The following TEAD1 variants were observed in gnomAD, a reference collection of about 807,000 sequenced individuals.
TEAD1 encodes TEA domain transcription factor 1, also known as transcriptional enhancer factor TEF-1.
Under a neutral mutation model 54.9 loss-of-function variants are expected in TEAD1, and 9 were observed. That is an observed-to-expected ratio of 0.16 (90% CI 0.10 to 0.29). The LOEUF is 0.29. TEAD1 is among the 10% of genes least tolerant of loss of function. The pLI is 1.00. For missense variants in TEAD1, 387 were observed against 535.9 expected, an observed-to-expected ratio of 0.72 and a Z score of 2.74; for synonymous variants, 200 against 187.8, an observed-to-expected ratio of 1.07 and a Z score of -0.53.
chr11:12,681,797 T>G (rs1943228474), intron 2 of TEAD1, among the ~76,000 whole-genome samples: 1 of 152,262 alleles, frequency 6.6e-6, no homozygotes, highest in Admixed American at 6.5e-5. Flanking sequence ...CACTCACCTT[T>G]CCAGGCCCTG....
At chr11:12,737,457 A>G (rs1206810586) in intron 2 of TEAD1, among the ~76,000 whole-genome samples, 1 of 152,222 alleles carries the variant, frequency 6.6e-6, no homozygotes, top group East Asian at 1.9e-4. Flanking sequence ...GAATTCCCAG[A>G]CAGCTCACAA....
intron 3 of TEAD1, among the ~76,000 whole-genome samples, chr11:12,784,893 C>T (rs898769437): frequency 6.6e-5 from 10 of 152,182 alleles, no homozygotes; most frequent in African/African-American, 9.7e-5. Context: ...TAGCTCCTAT[C>T]GCTTGAGAAG....
intron 3 of TEAD1, among the ~76,000 whole-genome samples, chr11:12,857,578 CTGTGTGTG>C (rs10694132): frequency 1.8e-4 from 26 of 145,846 alleles, no homozygotes; most frequent in East Asian, 6.1e-4. Context: ...CTCTCTGTCT[CTGTGTGTG>C]TGTGTGTGTG....
chr11:12,857,010 A>G (rs923627526), intron 3 of TEAD1, among the ~76,000 whole-genome samples: 1 of 152,162 alleles, frequency 6.6e-6, no homozygotes, highest in Non-Finnish European at 1.5e-5. Context: ...AGGCCACATC[A>G]CATTATATAT....
intron 3 of TEAD1, 99 bp downstream of exon 3, chr11:12,764,533 G>A: frequency 7.2e-7 from 1 of 1,383,252 alleles, no homozygotes; most frequent in Non-Finnish European, 1.0e-6. Flanking sequence ...TCATTGTATG[G>A]GGTTGAGTGA....
intron 3 of TEAD1, among the ~76,000 whole-genome samples, chr11:12,789,093 A>G (rs1945744155): frequency 6.6e-6 from 1 of 152,220 alleles, no homozygotes; most frequent in Admixed American, 6.5e-5. Flanking sequence ...CACATAATAA[A>G]TTGAGATTTT....
At chr11:12,875,688 A>G (rs553621645) in intron 5 of TEAD1, among the ~76,000 whole-genome samples, 16 of 152,348 alleles carry the variant, frequency 1.1e-4, no homozygotes, top group Admixed American at 2.6e-4. Context: ...AAAATTGCCT[A>G]TTCTCAAATA....
intron 2 of TEAD1, among the ~76,000 whole-genome samples, chr11:12,678,265 T>C (rs959865457): frequency 2.6e-5 from 4 of 152,194 alleles, no homozygotes; most frequent in African/African-American, 7.2e-5. Context: ...CTTTGGAGTT[T>C]AGTGACTGGA....
At chr11:12,820,451 C>G (rs1235200384) in intron 3 of TEAD1, among the ~76,000 whole-genome samples, 1 of 151,902 alleles carries the variant, frequency 6.6e-6, no homozygotes, top group Non-Finnish European at 1.5e-5. Flanking sequence ...AAGCGTTCTC[C>G]TTCTCACCCA....
chr11:12,732,517 G>A (rs1010811038), intron 2 of TEAD1, among the ~76,000 whole-genome samples: 20 of 152,174 alleles, frequency 1.3e-4, no homozygotes, highest in Non-Finnish European at 5.9e-5. Context: ...GGTCTCTTGA[G>A]GAGCTTCCAG....
chr11:12,798,353 C>G (rs1424313060), intron 3 of TEAD1, among the ~76,000 whole-genome samples: 4 of 152,158 alleles, frequency 2.6e-5, no homozygotes, highest in African/African-American at 9.7e-5. Context: ...TTTCTAACAT[C>G]TTTTCATAAA....
intron 12 of TEAD1, among the ~76,000 whole-genome samples, chr11:12,931,060 G>A (rs1210959937): frequency 1.3e-5 from 2 of 152,294 alleles, no homozygotes; most frequent in East Asian, 3.9e-4. Flanking sequence ...GAGCCCAGGA[G>A]TTCAAGACCA....
intron 2 of TEAD1, among the ~76,000 whole-genome samples, chr11:12,676,602 C>T (rs1321598122): frequency 3.3e-5 from 5 of 152,186 alleles, no homozygotes; most frequent in South Asian, 2.1e-4. Flanking sequence ...GAATCTTTTC[C>T]TCTTTAGAAG....
chr11:12,787,126 G>T (rs952078684), intron 3 of TEAD1, among the ~76,000 whole-genome samples: 1 of 152,174 alleles, frequency 6.6e-6, no homozygotes, highest in African/African-American at 2.4e-5. Context: ...ATCACCGGCT[G>T]CTGGGTAGTG....
At chr11:12,840,468 C>A (rs922827466) in intron 3 of TEAD1, among the ~76,000 whole-genome samples, 2 of 152,048 alleles carry the variant, frequency 1.3e-5, no homozygotes, top group Non-Finnish European at 2.9e-5. Flanking sequence ...GTAAAGAGGT[C>A]AGTCCAAATT....
chr11:12,704,011 A>G (rs993080109), intron 2 of TEAD1, among the ~76,000 whole-genome samples: 12 of 152,220 alleles, frequency 7.9e-5, no homozygotes, highest in African/African-American at 2.7e-4. Context: ...AACAGCATGG[A>G]TTTTAGAACA....
intron 2 of TEAD1, among the ~76,000 whole-genome samples, chr11:12,711,957 C>G (rs1187562189): frequency 2.6e-5 from 4 of 152,152 alleles, no homozygotes; most frequent in Middle Eastern, 3.2e-3. Context: ...GAGCCTGCCT[C>G]TCTCTTCTCT....
intron 3 of TEAD1, among the ~76,000 whole-genome samples, chr11:12,845,658 C>T (rs894654612): frequency 6.6e-6 from 1 of 152,190 alleles, no homozygotes; most frequent in African/African-American, 2.4e-5. Context: ...AGTGTGGAAA[C>T]CGTACTGTTG....
chr11:12,914,026 T>G (rs754113671), intron 10 of TEAD1, among the ~76,000 whole-genome samples: 9 of 152,228 alleles, frequency 5.9e-5, no homozygotes, highest in Non-Finnish European at 1.3e-4. Flanking sequence ...CTGGCCCGTG[T>G]AGCTGCTTTG....
Sources: allele counts gnomAD v4.1 joint callset (sites outside exome capture counted in the v4.1 genomes callset), GRCh38; gene constraint gnomAD v4.1.1; transcripts MANE v1.5; gene names NCBI Gene and HGNC (gene_info 2026-07-23, HGNC 2026-07-21).